LGSN: variants seen among roughly 807,000 people sequenced by gnomAD.
LGSN encodes the protein lengsin, lens protein with glutamine synthetase domain.
In LGSN, 21 loss-of-function variants were observed where a neutral mutation model predicts 19.5. That is an observed-to-expected ratio of 1.07 (90% CI 0.76 to 1.55). The LOEUF is 1.55. Among genes scored for constraint, LGSN ranks in the 40% most tolerant of loss-of-function variants. The probability of loss-of-function intolerance (pLI) is 0.00; values close to 1 mark genes in which losing one functional copy is unlikely to be tolerated. For missense variants in LGSN, 673 were observed against 608.5 expected, an observed-to-expected ratio of 1.11 and a Z score of -1.12; for synonymous variants, 257 against 215.6, an observed-to-expected ratio of 1.19 and a Z score of -1.68.
chr6:63,378,999 G>T, the LGSN span, among the ~76,000 whole-genome samples: 1 of 152,182 alleles, frequency 6.6e-6, no homozygotes, highest in Admixed American at 6.5e-5. Context: ...GCTCGGCAGG[G>T]TTTCCTCCCC....
chr6:63,472,193 G>A, the LGSN span, among the ~76,000 whole-genome samples: 2 of 152,280 alleles, frequency 1.3e-5, no homozygotes, highest in East Asian at 1.9e-4. Flanking sequence ...CCTGCCCAAA[G>A]CATCCCCATC....
the LGSN span, among the ~76,000 whole-genome samples, chr6:63,541,524 G>A: frequency 6.6e-6 from 1 of 152,188 alleles, no homozygotes; most frequent in African/African-American, 2.4e-5. Context: ...TTGCACTCCA[G>A]CCTGGGCGAC....
chr6:63,285,711 A>C lies in LGSN; in HGVS notation c.206T>G (p.Leu69Arg). The C allele has an allele frequency of 6.2e-7, 1 of 1,614,030 alleles. No homozygotes were observed. The highest frequency in any genetic ancestry group is 8.5e-7 in the Non-Finnish European group (1 of 1,179,958). Residue 69 changes from leucine (L) to arginine (R), a missense_variant, in exon 3 of 4, where the codon CTC becomes CGC. Physicochemically the swap from Leu to Arg is moderately radical, Grantham distance 102. Coordinates refer to ENST00000370657, the MANE Select transcript of LGSN (RefSeq NM_016571.3). ...TCTAATGTGTTTCATTCTAGAAGAGAGTTGAGGTGGGGTCAAAATTTGACT... is the reference window on the plus strand; with the variant it reads ...TCTAATGTGTTTCATTCTAGAAGAGCGTTGAGGTGGGGTCAAAATTTGACT... ...DSSQILTPPQ[L>R]SSRMKHIRQA...
At chr6:63,537,527 C>A in the LGSN span, among the ~76,000 whole-genome samples, 12 of 152,304 alleles carry the variant, frequency 7.9e-5, no homozygotes, top group Admixed American at 2.0e-4. Flanking sequence ...TTAGAGCGTA[C>A]CTTTTCACCC....
the LGSN span, among the ~76,000 whole-genome samples, chr6:63,556,322 T>C: frequency 1.4e-5 from 2 of 145,248 alleles, no homozygotes; most frequent in African/African-American, 5.0e-5. Flanking sequence ...TCAAACTTGG[T>C]TTTTTTTTTT....
the LGSN span, chr6:63,548,821 A>G: frequency 6.7e-6 from 5 of 749,138 alleles, no homozygotes; most frequent in Admixed American, 5.3e-5. Flanking sequence ...ATCTCATTGT[A>G]TCTGTCATTG....
At chr6:63,549,017 G>T in the LGSN span, 9 of 728,178 alleles carry the variant, frequency 1.2e-5, no homozygotes, top group African/African-American at 1.2e-4. Flanking sequence ...CAACCAGCTC[G>T]ATGGGATCCA....
the LGSN span, among the ~76,000 whole-genome samples, chr6:63,454,269 A>G: frequency 6.6e-6 from 1 of 152,152 alleles, no homozygotes; most frequent in Non-Finnish European, 1.5e-5. Context: ...AAGTTTAAAT[A>G]CAGATTGAAA....
the LGSN span, among the ~76,000 whole-genome samples, chr6:63,568,267 C>T: frequency 6.6e-6 from 1 of 152,256 alleles, no homozygotes; most frequent in African/African-American, 2.4e-5. Flanking sequence ...TCATTTTTAG[C>T]TTTGATTTAA....
At chr6:63,437,154 A>G in the LGSN span, among the ~76,000 whole-genome samples, 2 of 112,116 alleles carry the variant, frequency 1.8e-5, no homozygotes. Flanking sequence ...AGAAAGAGAG[A>G]GAAGGGAGGG....
chr6:63,287,694 A>G (rs953533313), intron 2 of LGSN, among the ~76,000 whole-genome samples: 1 of 152,000 alleles, frequency 6.6e-6, no homozygotes, highest in Non-Finnish European at 1.5e-5. Flanking sequence ...TGCAACAAAG[A>G]GGGACTGTCT....
At chr6:63,528,707 G>A in the LGSN span, among the ~76,000 whole-genome samples, 3 of 152,260 alleles carry the variant, frequency 2.0e-5, no homozygotes, top group South Asian at 2.1e-4. Flanking sequence ...AGGCTGCAGT[G>A]AGCCAAGATT....
chr6:63,498,119 T>A, the LGSN span, among the ~76,000 whole-genome samples: 38 of 152,056 alleles, frequency 2.5e-4, no homozygotes, highest in Admixed American at 2.2e-3. Flanking sequence ...GGTTTCTCTA[T>A]GCTGGCCAGG....
the LGSN span, among the ~76,000 whole-genome samples, chr6:63,566,426 T>A: frequency 6.6e-6 from 1 of 152,066 alleles, no homozygotes; most frequent in Non-Finnish European, 1.5e-5. Context: ...AACCAAGACA[T>A]TATTATCAGT....
chr6:63,319,847 T>A, intron 1 of LGSN, 67 bp downstream of exon 1: 7 of 1,109,088 alleles, frequency 6.3e-6, no homozygotes, highest in Admixed American at 1.7e-5. Context: ...TTCAAATAAT[T>A]GACATTTTTT....
chr6:63,447,594 C>G, the LGSN span, among the ~76,000 whole-genome samples: 1 of 152,138 alleles, frequency 6.6e-6, no homozygotes, highest in Admixed American at 6.5e-5. Flanking sequence ...TTATAGTGTT[C>G]TTAAATCTAT....
At chr6:63,466,792 T>TA in the LGSN span, among the ~76,000 whole-genome samples, 1 of 151,958 alleles carries the variant, frequency 6.6e-6, no homozygotes, top group Non-Finnish European at 1.5e-5. Flanking sequence ...AAGAGTAGAA[T>TA]AGGAGAGAAG....
At chr6:63,319,354 A>G (rs1015077667) in intron 1 of LGSN, among the ~76,000 whole-genome samples, 3 of 152,212 alleles carry the variant, frequency 2.0e-5, no homozygotes, top group Non-Finnish European at 4.4e-5. Context: ...AGTCTTTCAG[A>G]ATGGTCAGTC....
chr6:63,311,682 G>T (rs1053365182), intron 1 of LGSN, among the ~76,000 whole-genome samples: 24 of 152,222 alleles, frequency 1.6e-4, no homozygotes, highest in African/African-American at 5.1e-4. Flanking sequence ...ATCCTGTTCA[G>T]ACATGTCATA....
Sources: gnomAD v4.1 joint callset for allele counts (sites outside exome capture counted in the v4.1 genomes callset) on GRCh38, gnomAD v4.1.1 for gene constraint, MANE v1.5 for transcripts, NCBI Gene and HGNC (gene_info 2026-07-23, HGNC 2026-07-21) for gene names.